CEP112: variants seen among roughly 807,000 people sequenced by gnomAD.
CEP112 encodes the protein centrosomal protein 112.
Under a neutral mutation model 153.0 loss-of-function variants are expected in CEP112, and 127 were observed. The ratio of observed to expected loss-of-function variants is 0.83; its 90% CI spans 0.72 to 0.96. The LOEUF (loss-of-function observed/expected upper bound fraction) is 0.96. Ranked by LOEUF, CEP112 falls within the 40% of genes least tolerant of loss-of-function variation. CEP112 has a pLI of 0.00. For synonymous variants in CEP112, 358 were observed against 374.4 expected (o/e 0.96, Z 0.51); for missense variants, 1,089 against 1,101.2 (o/e 0.99, Z 0.16).
intron 23 of CEP112, among the ~76,000 whole-genome samples, chr17:65,696,945 G>A (rs1567877788): frequency 6.6e-6 from 1 of 152,172 alleles, no homozygotes; most frequent in Non-Finnish European, 1.5e-5. Context: ...AGGGATGCGG[G>A]AGGATTTACC....
intron 17 of CEP112, among the ~76,000 whole-genome samples, chr17:65,965,518 C>CCCT (rs1555734627): frequency 8.2e-5 from 10 of 122,072 alleles, no homozygotes; most frequent in East Asian, 7.2e-4. Context: ...CTTCTGCCCC[C>CCCT]TTTTTTTTTT....
chr17:66,172,615 T>C (rs2072292803), intron 4 of CEP112, among the ~76,000 whole-genome samples: 1 of 152,208 alleles, frequency 6.6e-6, no homozygotes, highest in Non-Finnish European at 1.5e-5. Flanking sequence ...AAGGATATTC[T>C]CATTGTATTT....
rs188718477 is a variant in CEP112, at chr17:65,772,470, T to C, written c.2395-21746A>G. ...GTAATAAGAAAATATGAACATCATA[T>C]TTACAAATGTTTGATAATTTAAACA... On this transcript the variant is annotated intron_variant, in intron 21 of 26. Transcript: ENST00000535342. Among the ~76,000 whole-genome samples the C allele has an allele frequency of 2.6e-5, 4 of 152,184 alleles. No individual in the cohort carries two copies. The East Asian group carries it at 7.7e-4, about 29-fold the overall frequency.
intron 17 of CEP112, among the ~76,000 whole-genome samples, chr17:65,964,900 G>A (rs2062353255): frequency 6.6e-6 from 1 of 152,082 alleles, no homozygotes; most frequent in Non-Finnish European, 1.5e-5. Context: ...ACAAAAGAAA[G>A]TATATTGAAC....
intron 24 of CEP112, among the ~76,000 whole-genome samples, chr17:65,641,271 C>T (rs1345316223): frequency 6.6e-6 from 1 of 152,078 alleles, no homozygotes; most frequent in Non-Finnish European, 1.5e-5. Flanking sequence ...AGAGATGGTC[C>T]CTGTAACAAT....
Position 66,029,094 on chromosome 17 carries a change from T to G in CEP112, c.1503+29A>C. 2.0e-6 allele frequency: 3 copies of G among 1,533,300 alleles called. No individual in the cohort carries two copies. In the East Asian group the frequency reaches 6.8e-5, roughly 35 times the overall value. The allele number at this position is 1,533,300 out of a possible 1,614,324, so 95.0% of individuals were successfully genotyped here. On this transcript the variant is annotated intron_variant, in intron 14 of 26. Transcript: ENST00000535342. Reference sequence around the variant, plus strand: ...CTAGGCTTAGTGAATAAATACTTCATGTGGATTATCTATTAACATAAATAA... The same window carrying G: ...CTAGGCTTAGTGAATAAATACTTCAGGTGGATTATCTATTAACATAAATAA...
chr17:65,741,519 A>G (rs549706559), intron 23 of CEP112, among the ~76,000 whole-genome samples: 1 of 150,768 alleles, frequency 6.6e-6, no homozygotes, highest in African/African-American at 2.4e-5. Flanking sequence ...TAAATAATTT[A>G]AAAATTAAGT....
chr17:65,791,541 C>T (rs2054594717), intron 21 of CEP112, among the ~76,000 whole-genome samples: 1 of 152,156 alleles, frequency 6.6e-6, no homozygotes, highest in African/African-American at 2.4e-5. Context: ...ACCACTTCTG[C>T]CATATTATCT....
intron 1 of CEP112, among the ~76,000 whole-genome samples, chr17:66,184,074 C>T (rs552073461): frequency 2.9e-4 from 44 of 152,018 alleles, no homozygotes; most frequent in African/African-American, 1.0e-3. Flanking sequence ...TTTGGTGAGA[C>T]CCCATCTCTA....
chr17:66,067,013 A>C, intron 9 of CEP112, 136 bp from the exon 10 acceptor site: 1 of 339,674 alleles, frequency 2.9e-6, no homozygotes, highest in Non-Finnish European at 4.7e-6. Flanking sequence ...CTGTGAAATT[A>C]TAAACACACA....
intron 23 of CEP112, among the ~76,000 whole-genome samples, chr17:65,710,415 C>A (rs1182114228): frequency 2.0e-5 from 3 of 151,972 alleles, no homozygotes. Context: ...CCTTTTGTAC[C>A]ATATGCATCT....
At chr17:65,706,783 G>A (rs1439877887) in intron 23 of CEP112, among the ~76,000 whole-genome samples, 1 of 152,142 alleles carries the variant, frequency 6.6e-6, no homozygotes, top group Non-Finnish European at 1.5e-5. Context: ...CAGCCCTATG[G>A]CTATTGCCCT....
Position 65,740,613 on chromosome 17 carries a change from C to CT in CEP112, c.2607+2454dup, listed in dbSNP as rs563204121. 1.5e-3 allele frequency among the ~76,000 whole-genome samples: 235 copies of CT among 152,314 alleles called. 1 individual carries two copies. The highest frequency in any genetic ancestry group is 2.9e-3 in the African/African-American group (120 of 41,576). On this transcript the variant is annotated intron_variant, in intron 23 of 26. Coordinates refer to ENST00000535342, the MANE Select transcript of CEP112 (RefSeq NM_001199165.4). ...ACAGAATGAGTACTAGGTTTACTCT[C>CT]TGTCTCCATTCTTGATCACCAGCTT...
At chr17:66,088,559 G>A (rs2068025159) in intron 8 of CEP112, among the ~76,000 whole-genome samples, 1 of 152,104 alleles carries the variant, frequency 6.6e-6, no homozygotes, top group South Asian at 2.1e-4. Context: ...GCATAACGCA[G>A]GATTCAGAGC....
At chr17:65,990,988 G>A (rs2063574206) in intron 17 of CEP112, among the ~76,000 whole-genome samples, 1 of 152,154 alleles carries the variant, frequency 6.6e-6, no homozygotes, top group Admixed American at 6.5e-5. Flanking sequence ...AGAGCCTCTG[G>A]TCCCTGAATA....
chr17:66,011,475 C>T (rs911427012), intron 16 of CEP112, among the ~76,000 whole-genome samples: 1 of 152,116 alleles, frequency 6.6e-6, no homozygotes, highest in Non-Finnish European at 1.5e-5. Flanking sequence ...GCATTATTTA[C>T]CCAAAAGTCA....
intron 4 of CEP112, among the ~76,000 whole-genome samples, chr17:66,167,728 C>A (rs753782385): frequency 1.3e-5 from 2 of 152,166 alleles, no homozygotes; most frequent in Non-Finnish European, 2.9e-5. Context: ...AATCATAAGG[C>A]CCTGCATTCC....
intron 18 of CEP112, among the ~76,000 whole-genome samples, chr17:65,950,950 G>GA (rs564345610): frequency 1.7e-4 from 26 of 151,952 alleles, no homozygotes; most frequent in Non-Finnish European, 3.2e-4. Context: ...ATCATAAATG[G>GA]TGCTTGAATT....
chr17:65,894,872 A>AT lies in CEP112; in HGVS notation c.2163+7279dup, dbSNP rs756861817. ...TTCCGAAGAAAATATTAAGGATTGCATATCTCTTTAGAGTTTAATTTACCT... is the reference window on the plus strand; with the variant it reads ...TTCCGAAGAAAATATTAAGGATTGCATTATCTCTTTAGAGTTTAATTTACCT... On this transcript the variant is annotated intron_variant, in intron 20 of 26. Transcript: ENST00000535342. Among the ~76,000 whole-genome samples the AT allele has an allele frequency of 7.9e-4, 120 of 152,138 alleles. 1 individual carries two copies. Among genetic ancestry groups the AT allele is most frequent in the Non-Finnish European group, 1.6e-3 (106 of 67,998 alleles).
Sources: gnomAD v4.1 joint callset for allele counts (sites outside exome capture counted in the v4.1 genomes callset) on GRCh38, gnomAD v4.1.1 for gene constraint, MANE v1.5 for transcripts, NCBI Gene and HGNC (gene_info 2026-07-23, HGNC 2026-07-21) for gene names.